Variants in GRIP1 observed in about 807,000 individuals in gnomAD.
GRIP1 encodes the protein glutamate receptor interacting protein 1.
GRIP1 carries 45 observed loss-of-function variants against 129.9 expected under a neutral mutation model. The ratio of observed to expected loss-of-function variants is 0.35; its 90% CI spans 0.27 to 0.44. The LOEUF (loss-of-function observed/expected upper bound fraction) is 0.44, where lower values mean the gene tolerates loss of function less well. GRIP1 is among the 20% of genes least tolerant of loss of function. The pLI, the probability that GRIP1 is intolerant of heterozygous loss-of-function variation, is 1.00. For synonymous variants in GRIP1, 530 were observed against 520.8 expected (o/e 1.02, Z -0.24); for missense variants, 1,196 against 1,396.8 (o/e 0.86, Z 2.29).
chr12:66,780,677 C>T lies in GRIP1; in HGVS notation c.-420+23376G>A, dbSNP rs374768630. On this transcript the variant is annotated intron_variant, in intron 1 of 4. Transcript: ENST00000538373. ...CATTGAGTGATGAGGTCTATATCCT[C>T]TCCCTTTGAATCTGGGCTGAATTTT... is the stretch of plus-strand genomic sequence containing the variant. 8.5e-5 allele frequency among the ~76,000 whole-genome samples: 13 copies of T among 152,322 alleles called. 1 individual carries two copies. Among genetic ancestry groups the T allele is most frequent in the African/African-American group, 3.1e-4 (13 of 41,574 alleles).
intron 17 of GRIP1, 38 bp downstream of exon 17, chr12:66,394,170 C>G (rs2056702011): frequency 8.8e-6 from 14 of 1,594,670 alleles, no homozygotes; most frequent in Non-Finnish European, 1.2e-5. Flanking sequence ...AAGCCCGTCT[C>G]AGACACAGGT....
intron 1 of GRIP1, among the ~76,000 whole-genome samples, chr12:66,769,761 C>T (rs376722704): frequency 1.3e-5 from 2 of 152,048 alleles, no homozygotes; most frequent in African/African-American, 4.8e-5. Flanking sequence ...TTTGTAATGT[C>T]TTTTTGGCTA....
At chr12:66,497,686 C>T (rs1423754767) in intron 7 of GRIP1, among the ~76,000 whole-genome samples, 2 of 152,084 alleles carry the variant, frequency 1.3e-5, no homozygotes, top group African/African-American at 4.8e-5. Context: ...AGAGAGATGG[C>T]AGCATCTGTG....
At chr12:66,676,679 G>A (rs781055449) in intron 1 of GRIP1, among the ~76,000 whole-genome samples, 9 of 152,198 alleles carry the variant, frequency 5.9e-5, no homozygotes, top group Non-Finnish European at 1.3e-4. Flanking sequence ...TGGGAGTTGA[G>A]GGTGAGGGTG....
chr12:66,703,723 AAAC>A (rs2136363765), intron 1 of GRIP1, among the ~76,000 whole-genome samples: 1 of 152,296 alleles, frequency 6.6e-6, no homozygotes, highest in East Asian at 1.9e-4. Flanking sequence ...GAAGCAGCCA[AAAC>A]AACACCACAG....
intron 1 of GRIP1, among the ~76,000 whole-genome samples, chr12:66,684,879 A>AAACGG (rs2034722175): frequency 6.6e-6 from 1 of 152,072 alleles, no homozygotes; most frequent in Non-Finnish European, 1.5e-5. Flanking sequence ...AAACGAAACG[A>AAACGG]AACGAAACAA....
At chr12:66,727,769 G>T (rs2036301958) in intron 1 of GRIP1, among the ~76,000 whole-genome samples, 2 of 152,158 alleles carry the variant, frequency 1.3e-5, no homozygotes, top group South Asian at 4.1e-4. Flanking sequence ...AAGGATGGTA[G>T]ACCTATGAGG....
At chr12:66,490,843 A>G (rs1327373081) in intron 7 of GRIP1, among the ~76,000 whole-genome samples, 2 of 152,140 alleles carry the variant, frequency 1.3e-5, no homozygotes, top group Non-Finnish European at 2.9e-5. Context: ...CATGCACACA[A>G]CAAACATATG....
intron 15 of GRIP1, among the ~76,000 whole-genome samples, chr12:66,411,946 G>T (rs1382467201): frequency 2.0e-5 from 3 of 152,056 alleles, no homozygotes; most frequent in Non-Finnish European, 4.4e-5. Context: ...AGAATAAAAA[G>T]GAATAAACAA....
chr12:66,483,257 T>C (rs2059857134), intron 7 of GRIP1, among the ~76,000 whole-genome samples: 1 of 152,214 alleles, frequency 6.6e-6, no homozygotes, highest in Non-Finnish European at 1.5e-5. Flanking sequence ...CATATAATGC[T>C]ATTAATAATT....
At chr12:66,448,461 G>A (rs905072529) in intron 11 of GRIP1, among the ~76,000 whole-genome samples, 2 of 151,910 alleles carry the variant, frequency 1.3e-5, no homozygotes, top group African/African-American at 4.8e-5. Context: ...ACTTATTTCT[G>A]GGTCCTTACA....
chr12:66,932,175 T>C (rs1411532317), intron 1 of GRIP1, among the ~76,000 whole-genome samples: 1 of 151,948 alleles, frequency 6.6e-6, no homozygotes, highest in Non-Finnish European at 1.5e-5. Flanking sequence ...GCCACAAATT[T>C]GAAAAAGGTG....
At chr12:66,969,729 A>T (rs2042046230) in intron 1 of GRIP1, among the ~76,000 whole-genome samples, 1 of 150,944 alleles carries the variant, frequency 6.6e-6, no homozygotes, top group Non-Finnish European at 1.5e-5. Flanking sequence ...TTTTTTTCCC[A>T]TTCTTTTATT....
intron 1 of GRIP1, among the ~76,000 whole-genome samples, chr12:67,058,717 A>G (rs2135879140): frequency 6.6e-6 from 1 of 152,328 alleles, no homozygotes; most frequent in East Asian, 1.9e-4. Flanking sequence ...AAGCTGTTTA[A>G]CCATTTCTAT....
chr12:66,763,319 A>G (rs2037530111), intron 1 of GRIP1, among the ~76,000 whole-genome samples: 1 of 152,150 alleles, frequency 6.6e-6, no homozygotes, highest in Non-Finnish European at 1.5e-5. Flanking sequence ...AGCTTCCCTC[A>G]AAATCAGCTA....
intron 1 of GRIP1, among the ~76,000 whole-genome samples, chr12:66,745,523 T>C (rs2136581138): frequency 6.6e-6 from 1 of 152,278 alleles, no homozygotes; most frequent in East Asian, 1.9e-4. Flanking sequence ...GCAGCTTACC[T>C]TCCAGTGGAT....
At chr12:66,438,646 C>A (rs1053435129) in intron 13 of GRIP1, among the ~76,000 whole-genome samples, 3 of 152,034 alleles carry the variant, frequency 2.0e-5, no homozygotes, top group Admixed American at 1.3e-4. Flanking sequence ...CAGGCACACA[C>A]CACCATGCTA....
intron 1 of GRIP1, among the ~76,000 whole-genome samples, chr12:67,068,862 C>CCCCCCCGCCCCCCCT (rs2043682438): frequency 1.4e-5 from 1 of 71,896 alleles, no homozygotes; most frequent in Non-Finnish European, 3.0e-5. Flanking sequence ...CGCCCCCCCC[C>CCCCCCCGCCCCCCCT]CCCCCCGCAA....
intron 14 of GRIP1, among the ~76,000 whole-genome samples, chr12:66,422,158 T>C (rs933946350): frequency 6.6e-6 from 1 of 152,138 alleles, no homozygotes; most frequent in African/African-American, 2.4e-5. Context: ...CCCAGGAAAA[T>C]GTTTATGCAC....
Sources: allele counts gnomAD v4.1 joint callset (sites outside exome capture counted in the v4.1 genomes callset), GRCh38; gene constraint gnomAD v4.1.1; transcripts MANE v1.5; gene names NCBI Gene and HGNC (gene_info 2026-07-23, HGNC 2026-07-21).